PARM1: variants seen among roughly 807,000 people sequenced by gnomAD.
PARM1 encodes the protein prostate androgen-regulated mucin-like protein 1.
Under a neutral mutation model 24.6 loss-of-function variants are expected in PARM1, and 14 were observed. The observed-to-expected ratio is 0.57, with a 90% CI of 0.38 to 0.89. PARM1 has a LOEUF of 0.89. Ranked by LOEUF, PARM1 falls within the 40% of genes least tolerant of loss-of-function variation. The pLI is 0.00. For synonymous variants in PARM1, 179 were observed against 156.6 expected (o/e 1.14, Z -1.07); for missense variants, 362 against 380.4 (o/e 0.95, Z 0.40).
intron 1 of PARM1, among the ~76,000 whole-genome samples, chr4:75,001,095 G>A (rs1722672331): frequency 6.6e-6 from 1 of 152,136 alleles, no homozygotes; most frequent in South Asian, 2.1e-4. Flanking sequence ...TAGGTTTATT[G>A]TAAAGATTAG....
At position 75,030,838 on chromosome 4, in the gene PARM1, GC is replaced by G. The variant is rs200441060; in HGVS notation, c.770-3039del. ...TTCCTCATAAGCCAGAGGCTCCCCT[GC>G]CCCCCAGCCACACCTTCCTCATTTT... is the stretch of plus-strand genomic sequence containing the variant. On this transcript the variant is annotated intron_variant, in intron 2 of 3. Coordinates refer to ENST00000307428, the MANE Select transcript of PARM1 (RefSeq NM_015393.4). Among the ~76,000 whole-genome samples, 328 of 152,066 alleles carry G rather than the reference GC, an allele frequency of 2.2e-3. 4 individuals are homozygous for G. The East Asian group carries it at 0.052, about 24-fold the overall frequency.
intron 1 of PARM1, among the ~76,000 whole-genome samples, chr4:75,005,741 A>T (rs1722757886): frequency 6.6e-6 from 1 of 152,218 alleles, no homozygotes; most frequent in Admixed American, 6.5e-5. Flanking sequence ...CCAACCAAGA[A>T]TCTGGTTTTC....
At chr4:75,010,949 T>G (rs1722858734) in intron 1 of PARM1, among the ~76,000 whole-genome samples, 1 of 152,196 alleles carries the variant, frequency 6.6e-6, no homozygotes, top group Admixed American at 6.5e-5. Context: ...CAGCATCTAC[T>G]CAGCTTCTGG....
chr4:75,007,387 C>T (rs1296568757), intron 1 of PARM1, among the ~76,000 whole-genome samples: 1 of 152,142 alleles, frequency 6.6e-6, no homozygotes, highest in Non-Finnish European at 1.5e-5. Flanking sequence ...CTTTTTGAGG[C>T]TGGGACACAG....
chr4:74,989,467 T>C (rs897565443), intron 1 of PARM1, among the ~76,000 whole-genome samples: 4 of 152,142 alleles, frequency 2.6e-5, no homozygotes, highest in African/African-American at 9.7e-5. Context: ...AAGAGACGAA[T>C]AGGGCAAGGT....
intron 3 of PARM1, among the ~76,000 whole-genome samples, chr4:75,043,866 T>C (rs1242951407): frequency 6.6e-6 from 1 of 152,200 alleles, no homozygotes; most frequent in Non-Finnish European, 1.5e-5. Flanking sequence ...TTTCTATTTA[T>C]GGTCTCTTTC....
intron 1 of PARM1, among the ~76,000 whole-genome samples, chr4:74,976,644 TG>T (rs2109769021): frequency 1.3e-5 from 2 of 152,322 alleles, no homozygotes; most frequent in Admixed American, 1.3e-4. Flanking sequence ...GCCTCCTGAC[TG>T]GGTGAGACAT....
intron 1 of PARM1, among the ~76,000 whole-genome samples, chr4:74,976,326 C>T (rs549859220): frequency 3.9e-5 from 6 of 152,328 alleles, no homozygotes; most frequent in South Asian, 4.1e-4. Flanking sequence ...AGTACAGCAG[C>T]TGTGGCAGAT....
In PARM1 at chr4:74,933,242, G is replaced by C. The variant is rs1225303501; in HGVS notation, c.-86G>C. ...TCCCACCGCAGCCCACCCGGCAGAG[G>C]AGTCGCTACCAGCGCCCAGTGCGCT... On this transcript the variant is annotated 5_prime_UTR_variant, in exon 1 of 4. Coordinates refer to ENST00000307428, the MANE Select transcript of PARM1 (RefSeq NM_015393.4). 3 of 1,203,844 alleles carry C rather than the reference G, an allele frequency of 2.5e-6. No individual in the cohort carries two copies. The highest frequency in any genetic ancestry group is 3.7e-6 in the Non-Finnish European group (3 of 819,742). The allele number at this position is 1,203,844 out of a possible 1,614,324, so 74.6% of individuals were successfully genotyped here. A position where few individuals can be genotyped will look rare whatever the true frequency, so the allele number is the denominator to read the frequency against.
rs1453580336 is a variant in PARM1 at position 75,012,788 on chromosome 4, C to G, written c.407C>G (p.Ala136Gly). ...SSGTPEAGVA[A>G]TLSQSAAEPP... The stretch of plus-strand genomic sequence containing the variant: ...GGCACTCCTGAAGCAGGCGTGGCAG[C>G]TACACTGTCGCAGTCCGCTGCTGAG... The change falls in exon 2 of 4, where the codon GCT becomes GGT. Residue 136 changes from alanine (A) to glycine (G), a missense_variant. Ala to Gly is a moderately conservative substitution (Grantham distance 60, BLOSUM62 0). Transcript: ENST00000307428. 2 of 1,614,002 alleles carry G rather than the reference C, an allele frequency of 1.2e-6. No individual in the cohort carries two copies. The highest frequency in any genetic ancestry group is 3.3e-5 in the Admixed American group (2 of 60,024).
intron 1 of PARM1, among the ~76,000 whole-genome samples, chr4:75,001,705 C>T (rs761893717): frequency 6.6e-6 from 1 of 152,066 alleles, no homozygotes; most frequent in Non-Finnish European, 1.5e-5. Flanking sequence ...TCGGTGAAAA[C>T]CCTTAGAAGA....
intron 1 of PARM1, among the ~76,000 whole-genome samples, chr4:74,966,540 C>T (rs1223017143): frequency 6.6e-6 from 1 of 152,064 alleles, no homozygotes; most frequent in Non-Finnish European, 1.5e-5. Context: ...GGGGAATTCT[C>T]AATAAAATTA....
chr4:75,016,287 AC>A (rs1722985815), intron 2 of PARM1, among the ~76,000 whole-genome samples: 1 of 152,232 alleles, frequency 6.6e-6, no homozygotes, highest in African/African-American at 2.4e-5. Context: ...GGGTGGACAC[AC>A]TTGCATTCAG....
At chr4:75,013,779 A>G (rs11725966) in intron 2 of PARM1, among the ~76,000 whole-genome samples, 71,108 of 152,074 alleles carry the variant, frequency 0.47, 17,029 homozygotes, top group South Asian at 0.51. Context: ...ATTTTACAAG[A>G]TGTCACATCT....
chr4:74,943,197 C>A (rs955831738), intron 1 of PARM1, among the ~76,000 whole-genome samples: 1 of 152,128 alleles, frequency 6.6e-6, no homozygotes, highest in South Asian at 2.1e-4. Context: ...TGACTCTTGC[C>A]TCTACTTTTT....
intron 2 of PARM1, among the ~76,000 whole-genome samples, chr4:75,024,340 G>A (rs1723143399): frequency 6.6e-6 from 1 of 152,052 alleles, no homozygotes; most frequent in Non-Finnish European, 1.5e-5. Context: ...GTGGTTCCTA[G>A]GAGGTCCCTG....
intron 1 of PARM1, among the ~76,000 whole-genome samples, chr4:74,952,857 G>C (rs1306888467): frequency 6.6e-6 from 1 of 152,176 alleles, no homozygotes; most frequent in Non-Finnish European, 1.5e-5. Flanking sequence ...ATATTTGTGA[G>C]TGATATATAT....
intron 1 of PARM1, among the ~76,000 whole-genome samples, chr4:74,945,631 C>T (rs1721398152): frequency 6.6e-6 from 1 of 152,168 alleles, no homozygotes; most frequent in Non-Finnish European, 1.5e-5. Context: ...GCACTCTGTC[C>T]TAACTGATCA....
At chr4:74,944,326 A>G (rs780866951) in intron 1 of PARM1, among the ~76,000 whole-genome samples, 2 of 152,230 alleles carry the variant, frequency 1.3e-5, no homozygotes, top group African/African-American at 2.4e-5. Flanking sequence ...GAAGAGGATG[A>G]CACTTTGTGT....
Sources: gnomAD v4.1 joint callset for allele counts (sites outside exome capture counted in the v4.1 genomes callset) on GRCh38, gnomAD v4.1.1 for gene constraint, MANE v1.5 for transcripts, NCBI Gene and HGNC (gene_info 2026-07-23, HGNC 2026-07-21) for gene names.